The following EHMT1 variants were observed in gnomAD, a reference collection of about 807,000 sequenced individuals.
The protein encoded by EHMT1 is histone-lysine N-methyltransferase EHMT1.
A neutral mutation model predicts 147.2 loss-of-function variants in EHMT1; 15 were observed. The observed-to-expected ratio is 0.10, with a 90% CI of 0.07 to 0.16. The LOEUF is 0.16. Ranked by LOEUF, EHMT1 falls within the 10% of genes least tolerant of loss-of-function variation. The pLI, the probability that EHMT1 is intolerant of heterozygous loss-of-function variation, is 1.00. For synonymous variants in EHMT1, 795 were observed against 709.6 expected, an observed-to-expected ratio of 1.12 and a Z score of -1.91; for missense variants, 1,587 against 1,772.4, an observed-to-expected ratio of 0.90 and a Z score of 1.88.
intron 16 of EHMT1, among the ~76,000 whole-genome samples, chr9:137,796,703 C>CAAAAAAAAAAAA (rs11449759): frequency 9.3e-5 from 8 of 85,818 alleles, no homozygotes; most frequent in East Asian, 2.7e-4. Context: ...GACTCCATCT[C>CAAAAAAAAAAAA]AAAAAAAAAA....
rs751282241 is a variant in EHMT1 at position 137,835,792 on chromosome 9, A to G, written c.*839A>G. The G allele has an allele frequency of 1.3e-5, 2 of 152,636 alleles. No homozygotes were observed. The highest frequency in any genetic ancestry group is 2.9e-5 in the Non-Finnish European group (2 of 68,054). The allele number at this position is 152,636 out of a possible 1,614,324, so 9.5% of individuals were successfully genotyped here. On this transcript the variant is annotated 3_prime_UTR_variant, in exon 27 of 27. Coordinates refer to ENST00000460843, the MANE Select transcript of EHMT1 (RefSeq NM_024757.5). ...ACTCACCACGTGAAATAAACTATCA[A>G]CTGTATAAAGAGAACAAAGTGATTT...
chr9:137,824,533 A>G (rs1286423606), intron 25 of EHMT1, among the ~76,000 whole-genome samples: 1 of 152,062 alleles, frequency 6.6e-6, no homozygotes, highest in African/African-American at 2.4e-5. Flanking sequence ...CCCGGGCGTC[A>G]GTACAGGCCA....
intron 1 of EHMT1, among the ~76,000 whole-genome samples, chr9:137,642,868 C>A (rs1432602483): frequency 3.9e-5 from 6 of 152,128 alleles, no homozygotes; most frequent in African/African-American, 7.2e-5. Flanking sequence ...CTTTTACTGG[C>A]GCTCTTGATT....
chr9:137,726,580 G>A (rs1039728461), intron 3 of EHMT1, among the ~76,000 whole-genome samples: 1 of 152,124 alleles, frequency 6.6e-6, no homozygotes, highest in African/African-American at 2.4e-5. Context: ...TGCTATCAAC[G>A]TGGGTGTACA....
At chr9:137,752,851 G>A (rs879405763) in intron 7 of EHMT1, among the ~76,000 whole-genome samples, 28 of 152,286 alleles carry the variant, frequency 1.8e-4, no homozygotes, top group East Asian at 7.7e-4. Context: ...TTGGGATTCC[G>A]CTGCATCGGC....
Position 137,775,425 on chromosome 9 carries a change from C to T in EHMT1, c.1791+173C>T, listed in dbSNP as rs1950884981. On this transcript the variant is annotated intron_variant, in intron 11 of 26. Transcript: ENST00000460843. The surrounding 1 kb of genome is among the most constrained non-coding windows in gnomAD (Gnocchi z 6.1). ...CAAGCCCCTCACCACCCCTGTCGAGCCCCAGTGCCTTAGACACCTTCACCC... is the reference window on the plus strand; with the variant it reads ...CAAGCCCCTCACCACCCCTGTCGAGTCCCAGTGCCTTAGACACCTTCACCC... Among the ~76,000 whole-genome samples, 1 of 151,754 alleles carries T rather than the reference C, an allele frequency of 6.6e-6. No homozygotes were observed. The highest frequency in any genetic ancestry group is 2.1e-4 in the South Asian group (1 of 4,796).
At chr9:137,749,267 A>G (rs1326369660) in intron 6 of EHMT1, among the ~76,000 whole-genome samples, 1 of 151,734 alleles carries the variant, frequency 6.6e-6, no homozygotes, top group East Asian at 1.9e-4. Flanking sequence ...TAAGTTCCCT[A>G]TTTACTTTAT....
chr9:137,818,520 G>C (rs1955118990), intron 25 of EHMT1, among the ~76,000 whole-genome samples: 2 of 151,568 alleles, frequency 1.3e-5, no homozygotes, highest in Admixed American at 1.3e-4. Flanking sequence ...CTGAGGGGGG[G>C]CGCCATGTAC....
chr9:137,759,517 T>C (rs1179203252), intron 9 of EHMT1, among the ~76,000 whole-genome samples: 1 of 152,148 alleles, frequency 6.6e-6, no homozygotes, highest in East Asian at 1.9e-4. Context: ...AAGGTAGCTC[T>C]AAAGGAAGGA....
At chr9:137,681,187 A>G (rs1941906854) in intron 1 of EHMT1, among the ~76,000 whole-genome samples, 1 of 152,228 alleles carries the variant, frequency 6.6e-6, no homozygotes, top group South Asian at 2.1e-4. Context: ...AGGAGGGAGA[A>G]CTGGGTGGTT....
intron 25 of EHMT1, chr9:137,832,787 C>G (rs1956308101): frequency 6.6e-6 from 1 of 152,346 alleles, no homozygotes; most frequent in Non-Finnish European, 1.5e-5. Flanking sequence ...GGGCCTGGCC[C>G]CTCCAGTCGG....
chr9:137,812,469 C>T (rs915871794), intron 19 of EHMT1, among the ~76,000 whole-genome samples: 3 of 152,224 alleles, frequency 2.0e-5, no homozygotes, highest in African/African-American at 7.2e-5. Context: ...ACTGTGGGTG[C>T]TCCAGGCACC....
At chr9:137,625,857 GTTT>G (rs1320835380) in intron 1 of EHMT1, among the ~76,000 whole-genome samples, 1 of 150,226 alleles carries the variant, frequency 6.7e-6, no homozygotes, top group Non-Finnish European at 1.5e-5. Flanking sequence ...GTTTTGTTTT[GTTT>G]TTGTTTTTTT....
chr9:137,753,466 C>T (rs1015307898), intron 7 of EHMT1, among the ~76,000 whole-genome samples: 2 of 152,212 alleles, frequency 1.3e-5, no homozygotes, highest in East Asian at 1.9e-4. Context: ...ACAGGGCTCC[C>T]GGTACCGTCC....
chr9:137,720,205 A>AC (rs1025950386), intron 3 of EHMT1, among the ~76,000 whole-genome samples: 1 of 149,896 alleles, frequency 6.7e-6, no homozygotes, highest in Non-Finnish European at 1.5e-5. Context: ...GAGATATGGA[A>AC]CCCCCCACAC....
rs560820938 is a variant in EHMT1 at position 137,724,105 on chromosome 9, CTG to C, written c.643-4234_643-4233del. 6.2e-4 allele frequency among the ~76,000 whole-genome samples: 94 copies of C among 152,350 alleles called. No homozygotes were observed. The East Asian group carries it at 0.017, about 28-fold the overall frequency. On this transcript the variant is annotated intron_variant, in intron 3 of 26. Coordinates refer to ENST00000460843, the MANE Select transcript of EHMT1 (RefSeq NM_024757.5). ...AGCATGGGGCCCCTTGTTTTTCTCT[CTG>C]TGTGTGTGTTTCCACACCTCACCTC...
At chr9:137,808,123 C>G (rs1954103470) in intron 18 of EHMT1, among the ~76,000 whole-genome samples, 1 of 152,200 alleles carries the variant, frequency 6.6e-6, no homozygotes, top group Non-Finnish European at 1.5e-5. Context: ...CCATTGTCCT[C>G]CAGCCCACAG....
chr9:137,834,565 G>A (rs1474516368), intron 26 of EHMT1, 41 bp downstream of exon 26: 28 of 1,606,988 alleles, frequency 1.7e-5, no homozygotes, highest in East Asian at 2.2e-5. Context: ...CGCTGCCGGC[G>A]GGACGGTTTT....
intron 1 of EHMT1, among the ~76,000 whole-genome samples, 187 bp from the exon 2 acceptor site, chr9:137,710,780 A>G (rs1328720144): frequency 6.6e-6 from 1 of 152,118 alleles, no homozygotes; most frequent in African/African-American, 2.4e-5. Context: ...GTTTCCTTGG[A>G]CTGTGTTCTG....
Sources: gnomAD v4.1 joint callset for allele counts (sites outside exome capture counted in the v4.1 genomes callset) on GRCh38, gnomAD v4.1.1 for gene constraint, Gnocchi (gnomAD v3.1) non-coding constraint, MANE v1.5 for transcripts, NCBI Gene and HGNC (gene_info 2026-07-23, HGNC 2026-07-21) for gene names.